Variants in ACBD6 observed in about 807,000 individuals in gnomAD.
ACBD6 encodes acyl-CoA binding domain containing 6.
ACBD6 carries 28 observed loss-of-function variants against 37.2 expected under a neutral mutation model. The observed-to-expected ratio is 0.75, with a 90% CI of 0.56 to 1.03. ACBD6 has a LOEUF of 1.03. Ranked by LOEUF, ACBD6 falls within the 50% of genes least tolerant of loss-of-function variation. ACBD6 has a pLI of 0.00. For synonymous variants in ACBD6, 113 were observed against 126.8 expected, an observed-to-expected ratio of 0.89 and a Z score of 0.73; for missense variants, 340 against 337.4, an observed-to-expected ratio of 1.01 and a Z score of -0.06.
chr1:180,475,193 T>G (rs1424143159), intron 3 of ACBD6, among the ~76,000 whole-genome samples: 2 of 152,224 alleles, frequency 1.3e-5, no homozygotes, highest in Non-Finnish European at 2.9e-5. Context: ...CATATTTAAA[T>G]TGTACAGTTT....
chr1:180,366,262 C>T (rs1427831207), intron 6 of ACBD6, among the ~76,000 whole-genome samples: 2 of 152,094 alleles, frequency 1.3e-5, no homozygotes, highest in Non-Finnish European at 1.5e-5. Context: ...GAAAGAATTA[C>T]AGAATTAATT....
intron 6 of ACBD6, among the ~76,000 whole-genome samples, chr1:180,376,235 T>C (rs1428971536): frequency 1.3e-5 from 2 of 152,306 alleles, no homozygotes; most frequent in East Asian, 3.9e-4. Context: ...AGTGGGAATA[T>C]AAATTAGTAA....
intron 6 of ACBD6, among the ~76,000 whole-genome samples, chr1:180,383,285 G>C (rs1653728394): frequency 6.6e-6 from 1 of 152,100 alleles, no homozygotes; most frequent in Non-Finnish European, 1.5e-5. Flanking sequence ...CTTATATCTA[G>C]AAAAACCTAT....
chr1:180,329,175 C>T (rs1057151637), intron 6 of ACBD6, among the ~76,000 whole-genome samples: 1 of 152,156 alleles, frequency 6.6e-6, no homozygotes, highest in Admixed American at 6.5e-5. Context: ...ATTTCTGGCA[C>T]CAAGTAAATG....
intron 6 of ACBD6, among the ~76,000 whole-genome samples, chr1:180,388,614 T>A (rs56054279): frequency 0.17 from 24,015 of 144,074 alleles, 1,954 homozygotes; most frequent in Middle Eastern, 0.23. Flanking sequence ...TTTTTTTTTT[T>A]AATTTTTGTA....
intron 6 of ACBD6, among the ~76,000 whole-genome samples, chr1:180,374,584 T>C (rs1653368527): frequency 6.6e-6 from 1 of 152,088 alleles, no homozygotes; most frequent in African/African-American, 2.4e-5. Context: ...TTTTCACACC[T>C]GACCTGCCTA....
intron 3 of ACBD6, among the ~76,000 whole-genome samples, chr1:180,456,018 CG>C (rs1649905567): frequency 6.6e-6 from 1 of 151,948 alleles, no homozygotes; most frequent in Non-Finnish European, 1.5e-5. Context: ...CGAGACCAGC[CG>C]GGCCAACATG....
chr1:180,415,144 A>T (rs1648029145), intron 4 of ACBD6, among the ~76,000 whole-genome samples: 1 of 152,102 alleles, frequency 6.6e-6, no homozygotes, highest in South Asian at 2.1e-4. Context: ...AACAAACATC[A>T]GGTCTGCATT....
At chr1:180,399,550 G>T (rs1228191982) in intron 5 of ACBD6, among the ~76,000 whole-genome samples, 1 of 152,158 alleles carries the variant, frequency 6.6e-6, no homozygotes, top group East Asian at 1.9e-4. Flanking sequence ...TTACAGGCGT[G>T]AGCCACCACG....
intron 4 of ACBD6, among the ~76,000 whole-genome samples, chr1:180,425,678 T>C (rs1236496028): frequency 6.6e-6 from 1 of 152,238 alleles, no homozygotes; most frequent in Non-Finnish European, 1.5e-5. Context: ...TGTAACAATG[T>C]GAAGCTTTGA....
At chr1:180,457,815 G>T (rs1357885099) in intron 3 of ACBD6, among the ~76,000 whole-genome samples, 1 of 145,302 alleles carries the variant, frequency 6.9e-6, no homozygotes, top group South Asian at 2.2e-4. Flanking sequence ...TTTTTGAGAC[G>T]GAGTTTCGCT....
At chr1:180,462,714 C>A (rs1262092697) in intron 3 of ACBD6, among the ~76,000 whole-genome samples, 1 of 152,154 alleles carries the variant, frequency 6.6e-6, no homozygotes, top group African/African-American at 2.4e-5. Context: ...CTGAACTCAG[C>A]TCTGGATCAA....
At chr1:180,406,225 G>A (rs1318605014) in intron 5 of ACBD6, among the ~76,000 whole-genome samples, 1 of 151,998 alleles carries the variant, frequency 6.6e-6, no homozygotes, top group East Asian at 1.9e-4. Context: ...AAATGCTGGG[G>A]ACCAGAAGTG....
chr1:180,420,257 C>CTTGTGTGG (rs1410483666), intron 4 of ACBD6, among the ~76,000 whole-genome samples: 1 of 152,174 alleles, frequency 6.6e-6, no homozygotes, highest in Non-Finnish European at 1.5e-5. Flanking sequence ...CACATTTTTG[C>CTTGTGTGG]CATACTCACA....
At position 180,396,751 on chromosome 1, in the gene ACBD6, C is replaced by T. The variant is rs1427967938; in HGVS notation, c.663+765G>A. On this transcript the variant is annotated intron_variant, in intron 6 of 7. Coordinates refer to ENST00000367595, the MANE Select transcript of ACBD6 (RefSeq NM_032360.4). ...AAAATTATACCATGATGAGATATCA[C>T]TTCATACCCACTAAAATAGTTATTT... Among the ~76,000 whole-genome samples the T allele has an allele frequency of 2.6e-5, 4 of 151,978 alleles. No homozygotes were observed. The East Asian group carries it at 7.7e-4, about 29-fold the overall frequency.
chr1:180,382,079 C>T (rs1653675254), intron 6 of ACBD6, among the ~76,000 whole-genome samples: 1 of 147,740 alleles, frequency 6.8e-6, no homozygotes, highest in Non-Finnish European at 1.5e-5. Context: ...TGCACCACTG[C>T]ACTCCAGCCT....
At chr1:180,480,606 A>G (rs751902704) in intron 3 of ACBD6, among the ~76,000 whole-genome samples, 6 of 152,372 alleles carry the variant, frequency 3.9e-5, no homozygotes, top group Admixed American at 6.5e-5. Context: ...GAAATGCTCA[A>G]TAAGTATTCC....
At chr1:180,481,187 C>T (rs1651028884) in intron 3 of ACBD6, among the ~76,000 whole-genome samples, 1 of 151,978 alleles carries the variant, frequency 6.6e-6, no homozygotes, top group South Asian at 2.1e-4. Flanking sequence ...CTATATAAAT[C>T]AAAACCGACT....
chr1:180,349,823 G>GT (rs1287622262), intron 6 of ACBD6, among the ~76,000 whole-genome samples: 1 of 151,760 alleles, frequency 6.6e-6, no homozygotes, highest in East Asian at 1.9e-4. Flanking sequence ...ATCCTCTTTG[G>GT]TTTTTCCTCT....
Sources: allele counts gnomAD v4.1 joint callset (sites outside exome capture counted in the v4.1 genomes callset), GRCh38; gene constraint gnomAD v4.1.1; transcripts MANE v1.5; gene names NCBI Gene and HGNC (gene_info 2026-07-23, HGNC 2026-07-21).